The following CDKL3 variants were observed in gnomAD, a reference collection of about 807,000 sequenced individuals.
CDKL3 encodes the protein cyclin-dependent kinase-like 3.
A neutral mutation model predicts 69.3 loss-of-function variants in CDKL3; 65 were observed. That is an observed-to-expected ratio of 0.94 (90% CI 0.77 to 1.15). CDKL3 has a LOEUF of 1.15. CDKL3 is among the 50% of genes most tolerant of loss of function. CDKL3 has a pLI of 0.00. For missense variants in CDKL3, 652 were observed against 689.2 expected, an observed-to-expected ratio of 0.95 and a Z score of 0.61; for synonymous variants, 202 against 221.6, an observed-to-expected ratio of 0.91 and a Z score of 0.79.
chr5:134,336,509 G>C (rs1777142954), intron 4 of CDKL3, among the ~76,000 whole-genome samples: 1 of 152,180 alleles, frequency 6.6e-6, no homozygotes, highest in Non-Finnish European at 1.5e-5. Context: ...ATGGGGTTTT[G>C]GTGTGGATGT....
At chr5:134,294,768 C>T (rs1370320134), downstream of CDKL3, among the ~76,000 whole-genome samples, 1 of 151,976 alleles carries the variant, frequency 6.6e-6, no homozygotes, top group East Asian at 1.9e-4. Context: ...TCTCAGGATA[C>T]AAGATCAACA....
rs770981283 is a variant in CDKL3 at position 134,302,577 on chromosome 5, CAA to C, written c.1719+11_1719+12del. 8.6e-6 allele frequency: 12 copies of C among 1,400,762 alleles called. No homozygotes were observed. The highest frequency in any genetic ancestry group is 1.8e-5 in the Admixed American group (1 of 55,646). The allele number at this position is 1,400,762 out of a possible 1,614,324, so 86.8% of individuals were successfully genotyped here. A position where few individuals can be genotyped will look rare whatever the true frequency, so the allele number is the denominator to read the frequency against. The stretch of plus-strand genomic sequence containing the variant: ...AACATGCCTTAGTAAAAGCTATATA[CAA>C]AAAGAGTTACCTCTTGTTTTTCTTG... On this transcript the variant is annotated intron_variant, in intron 12 of 12. Transcript: ENST00000265334.
intron 4 of CDKL3, among the ~76,000 whole-genome samples, chr5:134,333,771 T>C (rs1776372642): frequency 6.6e-6 from 1 of 152,060 alleles, no homozygotes; most frequent in Non-Finnish European, 1.5e-5. Context: ...GGCCTAAAAT[T>C]CTGTTTTGTT....
downstream of CDKL3, among the ~76,000 whole-genome samples, chr5:134,296,782 T>C (rs1765370468): frequency 1.4e-5 from 2 of 141,506 alleles, no homozygotes; most frequent in Non-Finnish European, 3.1e-5. Flanking sequence ...ACCCTGTCTC[T>C]ACACACACAC....
At chr5:134,336,761 G>A (rs988018418) in intron 4 of CDKL3, among the ~76,000 whole-genome samples, 7 of 152,246 alleles carry the variant, frequency 4.6e-5, no homozygotes, top group South Asian at 2.1e-4. Context: ...GGGAGGTGTC[G>A]CCCAGTCAGG....
intron 4 of CDKL3, among the ~76,000 whole-genome samples, chr5:134,347,074 C>T (rs570290947): frequency 1.1e-3 from 167 of 151,974 alleles, no homozygotes; most frequent in Middle Eastern, 3.4e-3. Context: ...AAAGTTAAAC[C>T]TCCATAGTAA....
chr5:134,366,572 A>G lies in CDKL3; in HGVS notation c.-21-28T>C, dbSNP rs777499079. ...TTATAGAAATAAAGAAAGAAAATGGAAAATGTTAAACGTTTATACTTTTAT... is the reference window on the plus strand; with the variant it reads ...TTATAGAAATAAAGAAAGAAAATGGGAAATGTTAAACGTTTATACTTTTAT... On this transcript the variant is annotated intron_variant, in intron 1 of 12. Transcript: ENST00000265334. 8 of 1,379,006 alleles carry G rather than the reference A, an allele frequency of 5.8e-6. No individual in the cohort carries two copies. The South Asian group carries it at 1.0e-4, about 18-fold the overall frequency. The allele number at this position is 1,379,006 out of a possible 1,614,324, so 85.4% of individuals were successfully genotyped here.
chr5:134,299,295 T>A (rs1435786392), intron 12 of CDKL3: 1 of 188,502 alleles, frequency 5.3e-6, no homozygotes, highest in Non-Finnish European at 1.1e-5. Flanking sequence ...ATGTTTGGTG[T>A]TCCCAGACAT....
At chr5:134,310,361 T>C (rs1442842983) in intron 7 of CDKL3, among the ~76,000 whole-genome samples, 1 of 152,002 alleles carries the variant, frequency 6.6e-6, no homozygotes, top group African/African-American at 2.4e-5. Context: ...AATTTTGTTT[T>C]TTGTATTTTT....
At chr5:134,340,274 G>A (rs1260228465) in intron 4 of CDKL3, among the ~76,000 whole-genome samples, 3 of 152,088 alleles carry the variant, frequency 2.0e-5, no homozygotes, top group Admixed American at 6.6e-5. Context: ...CCTATATGAA[G>A]AAAGATATCA....
chr5:134,299,140 G>C (rs577992435), intron 12 of CDKL3, among the ~76,000 whole-genome samples: 1 of 152,258 alleles, frequency 6.6e-6, no homozygotes, highest in South Asian at 2.1e-4. Flanking sequence ...CCAAAGTGCT[G>C]GGATTACAGG....
chr5:134,354,239 T>C (rs778618238), intron 3 of CDKL3, among the ~76,000 whole-genome samples: 27 of 152,330 alleles, frequency 1.8e-4, no homozygotes, highest in African/African-American at 6.3e-4. Context: ...TATACACAAC[T>C]GTCTTGTTCA....
intron 12 of CDKL3, among the ~76,000 whole-genome samples, chr5:134,300,293 C>A (rs1766003849): frequency 6.6e-6 from 1 of 152,096 alleles, no homozygotes; most frequent in South Asian, 2.1e-4. Context: ...GAGCTAAGAT[C>A]ACACCACTGT....
chr5:134,347,124 G>A (rs191854566), intron 4 of CDKL3, among the ~76,000 whole-genome samples: 3 of 151,878 alleles, frequency 2.0e-5, no homozygotes, highest in African/African-American at 7.2e-5. Context: ...AACTGGGTGA[G>A]GACTATGGGG....
chr5:134,326,849 A>AT (rs1436798474), intron 4 of CDKL3, among the ~76,000 whole-genome samples: 1 of 106,506 alleles, frequency 9.4e-6, no homozygotes, highest in Non-Finnish European at 1.7e-5. Flanking sequence ...ATATATATAT[A>AT]TATATATATA....
At chr5:134,311,645 G>T (rs904059597) in intron 7 of CDKL3, among the ~76,000 whole-genome samples, 1 of 152,094 alleles carries the variant, frequency 6.6e-6, no homozygotes, top group Non-Finnish European at 1.5e-5. Flanking sequence ...GTCCAAACAG[G>T]AATAAAGCTA....
At chr5:134,352,578 T>C (rs1248313998) in intron 3 of CDKL3, among the ~76,000 whole-genome samples, 1 of 152,006 alleles carries the variant, frequency 6.6e-6, no homozygotes, top group Non-Finnish European at 1.5e-5. Context: ...TGGGATTACA[T>C]GTGTGAGCCA....
At chr5:134,370,161 A>G (rs1397218130), upstream of CDKL3, among the ~76,000 whole-genome samples, 2 of 152,200 alleles carry the variant, frequency 1.3e-5, no homozygotes, top group African/African-American at 4.8e-5. Flanking sequence ...GGCTGAGGCA[A>G]TGTTAAGGTC....
chr5:134,348,045 CTAGAT>C, intron 4 of CDKL3, among the ~76,000 whole-genome samples: 1 of 152,152 alleles, frequency 6.6e-6, no homozygotes, highest in East Asian at 1.9e-4. Flanking sequence ...TCAAAAAAGG[CTAGAT>C]TAAACTAAAT....
Sources: gnomAD v4.1 joint callset for allele counts (sites outside exome capture counted in the v4.1 genomes callset) on GRCh38, gnomAD v4.1.1 for gene constraint, MANE v1.5 for transcripts, NCBI Gene and HGNC (gene_info 2026-07-23, HGNC 2026-07-21) for gene names.